The following PLA2R1 variants were observed in gnomAD, a reference collection of about 807,000 sequenced individuals.
PLA2R1 encodes secretory phospholipase A2 receptor.
Under a neutral mutation model 195.9 loss-of-function variants are expected in PLA2R1, and 158 were observed. The observed-to-expected ratio is 0.81, with a 90% CI of 0.71 to 0.92. PLA2R1 has a LOEUF of 0.92. PLA2R1 is among the 40% of genes least tolerant of loss of function. The probability of loss-of-function intolerance (pLI) is 0.00; values close to 1 mark genes in which losing one functional copy is unlikely to be tolerated. For missense variants in PLA2R1, 1,626 were observed against 1,764.6 expected (o/e 0.92, Z 1.41); for synonymous variants, 586 against 598.2 (o/e 0.98, Z 0.30).
chr2:160,038,929 C>T (rs1207535464), intron 3 of PLA2R1, among the ~76,000 whole-genome samples: 3 of 151,946 alleles, frequency 2.0e-5, no homozygotes, highest in South Asian at 2.1e-4. Context: ...TGCAGTGGCG[C>T]GATCTTGGCT....
the PLA2R1 span, among the ~76,000 whole-genome samples, chr2:159,924,366 T>C: frequency 6.6e-6 from 1 of 152,144 alleles, no homozygotes; most frequent in Non-Finnish European, 1.5e-5. Flanking sequence ...CTGATATCTG[T>C]AGGGACTACT....
chr2:159,980,400 T>C (rs749864297), intron 13 of PLA2R1, among the ~76,000 whole-genome samples: 1 of 152,240 alleles, frequency 6.6e-6, no homozygotes, highest in Non-Finnish European at 1.5e-5. Flanking sequence ...TTCACTACTT[T>C]ACTGTGTGTT....
intron 1 of PLA2R1, among the ~76,000 whole-genome samples, chr2:160,048,573 G>A (rs1279401375): frequency 6.6e-6 from 1 of 152,154 alleles, no homozygotes; most frequent in Non-Finnish European, 1.5e-5. Flanking sequence ...TGCACATAAT[G>A]TCTCTAACAA....
chr2:159,967,200 C>T (rs1002999229), intron 20 of PLA2R1, among the ~76,000 whole-genome samples: 7 of 151,946 alleles, frequency 4.6e-5, no homozygotes, highest in African/African-American at 1.7e-4. Flanking sequence ...CACATGAGCA[C>T]ACACACACAT....
chr2:159,994,911 G>A (rs892876065), intron 11 of PLA2R1, among the ~76,000 whole-genome samples: 5 of 152,036 alleles, frequency 3.3e-5, no homozygotes, highest in East Asian at 1.9e-4. Context: ...ATGTAGGTTC[G>A]TCAATTGTAG....
At position 159,936,933 on chromosome 2, in the gene PLA2R1, G is replaced by A. The variant is rs144591881; in HGVS notation, c.*4845C>T. On this transcript the variant is annotated 3_prime_UTR_variant, in exon 30 of 30. Coordinates refer to ENST00000283243, the MANE Select transcript of PLA2R1 (RefSeq NM_007366.5). ...TAACTTATCTTAACATAGAAACTTT[G>A]TTCATATAAATAAGTAGATGGGAAT... is the stretch of plus-strand genomic sequence containing the variant. The A allele has an allele frequency of 2.6e-5, 4 of 152,296 alleles. No individual in the cohort carries two copies. The highest frequency in any genetic ancestry group is 9.6e-5 in the African/African-American group (4 of 41,564). 9.4% of individuals were successfully genotyped at this position (152,296 alleles called of 1,614,324 possible).
chr2:159,992,969 G>C (rs1208512542), intron 11 of PLA2R1, among the ~76,000 whole-genome samples: 1 of 152,104 alleles, frequency 6.6e-6, no homozygotes, highest in Non-Finnish European at 1.5e-5. Context: ...GGCTGCAAAG[G>C]AGTGATTGAA....
chr2:159,979,733 TG>T, intron 14 of PLA2R1, 96 bp downstream of exon 14: 1 of 644,996 alleles, frequency 1.6e-6, no homozygotes, highest in Non-Finnish European at 2.8e-6. Flanking sequence ...ATGGGAGCTC[TG>T]GCCATCATTT....
In PLA2R1 at chr2:159,956,541, G is replaced by A; in HGVS notation, c.2991C>T (p.Thr997=). 1 of 1,612,568 alleles carries A rather than the reference G, an allele frequency of 6.2e-7. No homozygotes were observed. Among genetic ancestry groups the A allele is most frequent in the Middle Eastern group, 1.7e-4 (1 of 6,060 alleles). ...CCACCTCACTTTCAATGGCGACCAG[G>A]GTCCCCCCTTCTTCAGCACAGAAAT... ...AQHFCAEEGG[T]LVAIESEVEQ... Residue 997 remains threonine, a synonymous_variant, in exon 21 of 30, where the codon ACC becomes ACT. Transcript: ENST00000283243.
chr2:159,977,563 T>C, intron 14 of PLA2R1, 147 bp from the exon 15 acceptor site: 1 of 589,634 alleles, frequency 1.7e-6, no homozygotes, highest in Non-Finnish European at 2.9e-6. Flanking sequence ...TGAAGGTTGT[T>C]TCACATTTGT....
chr2:160,021,527 CAGAA>C (rs1693117652), intron 7 of PLA2R1, among the ~76,000 whole-genome samples: 1 of 152,214 alleles, frequency 6.6e-6, no homozygotes, highest in South Asian at 2.1e-4. Flanking sequence ...TGAAATAACT[CAGAA>C]TGTCAAATAC....
rs147057262 is a variant in PLA2R1 at position 159,997,135 on chromosome 2, G to T, written c.1834+8517C>A. Among the ~76,000 whole-genome samples, 440 of 152,248 alleles carry T rather than the reference G, an allele frequency of 2.9e-3. 1 individual carries two copies. Among genetic ancestry groups the T allele is most frequent in the African/African-American group, 9.9e-3 (411 of 41,550 alleles). On this transcript the variant is annotated intron_variant, in intron 11 of 29. Transcript: ENST00000283243. ...TGTAATATATTGGGTAAAAGAAACT[G>T]CAGTAAACAGGCCTTTGTGATGGAA...
intron 6 of PLA2R1, among the ~76,000 whole-genome samples, chr2:160,027,634 C>A (rs1002848479): frequency 6.6e-6 from 1 of 152,068 alleles, no homozygotes; most frequent in African/African-American, 2.4e-5. Flanking sequence ...ATACTTTTAT[C>A]TCTACATTTG....
intron 17 of PLA2R1, among the ~76,000 whole-genome samples, chr2:159,973,905 C>T (rs1478171127): frequency 6.6e-6 from 1 of 152,094 alleles, no homozygotes. Context: ...AGGTCAGAAT[C>T]CTCAACTAGA....
At chr2:159,980,428 A>AT (rs1395187320) in intron 13 of PLA2R1, among the ~76,000 whole-genome samples, 1 of 152,188 alleles carries the variant, frequency 6.6e-6, no homozygotes, top group African/African-American at 2.4e-5. Flanking sequence ...TCACTATACT[A>AT]TTTATTCTAC....
chr2:160,031,326 A>G (rs772440473), intron 4 of PLA2R1, among the ~76,000 whole-genome samples: 3 of 152,238 alleles, frequency 2.0e-5, no homozygotes, highest in Non-Finnish European at 2.9e-5. Flanking sequence ...TCTCTAATAT[A>G]TTACCACTAA....
chr2:159,986,003 T>C (rs1214407872), intron 12 of PLA2R1, among the ~76,000 whole-genome samples: 14 of 151,924 alleles, frequency 9.2e-5, no homozygotes, highest in South Asian at 4.2e-4. Context: ...GAGAAGCGCT[T>C]TGGGGAGCCC....
chr2:159,993,928 T>A (rs1397985308), intron 11 of PLA2R1, among the ~76,000 whole-genome samples: 1 of 152,132 alleles, frequency 6.6e-6, no homozygotes, highest in Non-Finnish European at 1.5e-5. Flanking sequence ...ATTTGTTCTG[T>A]GTTTCCTATA....
At chr2:159,959,276 A>C (rs1160793459) in intron 20 of PLA2R1, among the ~76,000 whole-genome samples, 1 of 152,106 alleles carries the variant, frequency 6.6e-6, no homozygotes, top group East Asian at 1.9e-4. Context: ...AATGAACCTC[A>C]TTGGTTCAGT....
Sources: allele counts gnomAD v4.1 joint callset (sites outside exome capture counted in the v4.1 genomes callset), GRCh38; gene constraint gnomAD v4.1.1; transcripts MANE v1.5; gene names NCBI Gene and HGNC (gene_info 2026-07-23, HGNC 2026-07-21).